The following KCTD20 variants were observed in gnomAD, a reference collection of about 807,000 sequenced individuals.
KCTD20 encodes the protein potassium channel tetramerization domain containing 20, also known as BTB/POZ domain-containing protein KCTD20.
KCTD20 carries 30 observed loss-of-function variants against 39.6 expected under a neutral mutation model. The observed-to-expected ratio is 0.76, with a 90% CI of 0.57 to 1.03. The LOEUF (loss-of-function observed/expected upper bound fraction) is 1.03, where lower values mean the gene tolerates loss of function less well. KCTD20 is among the 50% of genes least tolerant of loss of function. The probability of loss-of-function intolerance (pLI) is 0.00; values close to 1 mark genes in which losing one functional copy is unlikely to be tolerated. For missense variants in KCTD20, 422 were observed against 522.0 expected (o/e 0.81, Z 1.87); for synonymous variants, 162 against 180.6 (o/e 0.90, Z 0.83).
chr6:36,465,558 C>T (rs924984822), intron 1 of KCTD20: 9 of 151,644 alleles, frequency 5.9e-5, no homozygotes, highest in Admixed American at 4.6e-4. Flanking sequence ...GATTCATACT[C>T]AAGATGATTG....
At chr6:36,467,499 G>A (rs936101078) in intron 1 of KCTD20, among the ~76,000 whole-genome samples, 37 of 149,802 alleles carry the variant, frequency 2.5e-4, no homozygotes, top group Admixed American at 6.6e-4. Flanking sequence ...CACCACGCCC[G>A]GGTAATTTTT....
intron 1 of KCTD20, among the ~76,000 whole-genome samples, chr6:36,446,987 TAA>T (rs1413692034): frequency 6.6e-6 from 1 of 152,212 alleles, no homozygotes; most frequent in Non-Finnish European, 1.5e-5. Context: ...CACAAGAGAT[TAA>T]GTTTGCCTCA....
rs917466996 is a variant in KCTD20 at position 36,481,909 on chromosome 6, G to C, written c.856+150G>C. On this transcript the variant is annotated intron_variant, in intron 6 of 7. Transcript: ENST00000373731. ...ACAAATCCCTAGTGACGCAGGTCTAGCCTTTATGCTGGGGAACACAGTGAA... is the reference window on the plus strand; with the variant it reads ...ACAAATCCCTAGTGACGCAGGTCTACCCTTTATGCTGGGGAACACAGTGAA... The C allele has an allele frequency of 1.0e-5, 7 of 679,690 alleles. No homozygotes were observed. In the African/African-American group the frequency reaches 1.2e-4, roughly 12 times the overall value. 42.1% of individuals were successfully genotyped at this position (679,690 alleles called of 1,614,324 possible).
chr6:36,466,076 CTTT>C (rs1169041535), intron 1 of KCTD20, among the ~76,000 whole-genome samples: 1 of 141,528 alleles, frequency 7.1e-6, no homozygotes. Flanking sequence ...TGTTTCTTTT[CTTT>C]TTTTTTTTTT....
chr6:36,449,483 G>A (rs529138589), intron 1 of KCTD20, among the ~76,000 whole-genome samples: 1 of 152,132 alleles, frequency 6.6e-6, no homozygotes, highest in Non-Finnish European at 1.5e-5. Context: ...GCTGATTGGT[G>A]TGTTTTTACA....
rs756352902 is a variant in KCTD20, at chr6:36,484,824, G to T, written c.967G>T (p.Gly323Cys). ...AAAAAACATTCGCATTGGAATTGAA[G>T]GTAAAAAAAAAAAAAAAATCCCAGT... ...GLKNIRIGIE[G>C]YPTCKEKIKR... The change falls in exon 7 of 8, where the codon GGT becomes TGT. Residue 323 changes from glycine (G) to cysteine (C), a missense_variant and splice_region_variant. Coordinates refer to ENST00000373731, the MANE Select transcript of KCTD20 (RefSeq NM_173562.5). The T allele has an allele frequency of 1.4e-6, 2 of 1,475,038 alleles. No individual in the cohort carries two copies. Among genetic ancestry groups the T allele is most frequent in the Admixed American group, 2.0e-5 (1 of 50,852 alleles). 91.4% of individuals were successfully genotyped at this position (1,475,038 alleles called of 1,614,324 possible). A position where few individuals can be genotyped will look rare whatever the true frequency, so the allele number is the denominator to read the frequency against.
chr6:36,466,606 TC>T (rs1337996793), intron 1 of KCTD20, among the ~76,000 whole-genome samples: 1 of 152,030 alleles, frequency 6.6e-6, no homozygotes, highest in Non-Finnish European at 1.5e-5. Context: ...GGTCTTGAAC[TC>T]TCAGGCTCAA....
chr6:36,448,566 G>C (rs1775130584), intron 1 of KCTD20, among the ~76,000 whole-genome samples: 1 of 152,216 alleles, frequency 6.6e-6, no homozygotes, highest in African/African-American at 2.4e-5. Context: ...AAGGACCACT[G>C]TCTGGGTGGT....
chr6:36,449,999 C>T (rs1371215464), intron 1 of KCTD20, among the ~76,000 whole-genome samples: 1 of 151,708 alleles, frequency 6.6e-6, no homozygotes, highest in East Asian at 1.9e-4. Flanking sequence ...TCCGTCTGTA[C>T]TAAAAATATA....
intron 1 of KCTD20, among the ~76,000 whole-genome samples, chr6:36,466,986 G>A (rs532279632): frequency 2.0e-5 from 3 of 152,094 alleles, no homozygotes; most frequent in East Asian, 1.9e-4. Flanking sequence ...TGCTGGGTTC[G>A]GTGATATCTG....
intron 3 of KCTD20, among the ~76,000 whole-genome samples, chr6:36,476,053 T>C (rs1776052694): frequency 6.6e-6 from 1 of 152,186 alleles, no homozygotes; most frequent in Non-Finnish European, 1.5e-5. Flanking sequence ...CCCCAGAGTT[T>C]TAGGGTTAGA....
In KCTD20 at chr6:36,468,028, T is replaced by C. The variant is rs556302263; in HGVS notation, c.-46-2024T>C. ...ATTCATCCAAGCAAGTAATGATAGT[T>C]ACTTGGAGAAATGACTGGGATTAGG... is the stretch of plus-strand genomic sequence containing the variant. On this transcript the variant is annotated intron_variant, in intron 1 of 7. Transcript: ENST00000373731. 4.3e-4 allele frequency among the ~76,000 whole-genome samples: 66 copies of C among 152,332 alleles called. No individual in the cohort carries two copies. The Middle Eastern group carries it at 0.021, about 47-fold the overall frequency.
chr6:36,449,992 G>A (rs571059347), intron 1 of KCTD20, among the ~76,000 whole-genome samples: 3 of 151,878 alleles, frequency 2.0e-5, no homozygotes, highest in East Asian at 1.9e-4. Flanking sequence ...GTGAAACTCC[G>A]TCTGTACTAA....
At chr6:36,473,741 C>G (rs1775980757) in intron 2 of KCTD20, among the ~76,000 whole-genome samples, 1 of 151,754 alleles carries the variant, frequency 6.6e-6, no homozygotes, top group Non-Finnish European at 1.5e-5. Flanking sequence ...CCACTGCACT[C>G]CAGCCTGGGC....
chr6:36,478,591 A>C (rs1312293248), intron 3 of KCTD20, among the ~76,000 whole-genome samples: 1 of 152,216 alleles, frequency 6.6e-6, no homozygotes, highest in Non-Finnish European at 1.5e-5. Flanking sequence ...ATACCAAGAA[A>C]GCATTAACAT....
intron 1 of KCTD20, among the ~76,000 whole-genome samples, chr6:36,468,446 G>C (rs1775823537): frequency 2.0e-5 from 3 of 152,220 alleles, no homozygotes; most frequent in African/African-American, 7.2e-5. Flanking sequence ...GTGCAACAAA[G>C]AGAAGTTTGA....
At chr6:36,477,105 G>T (rs1776085811) in intron 3 of KCTD20, among the ~76,000 whole-genome samples, 2 of 152,266 alleles carry the variant, frequency 1.3e-5, no homozygotes, top group South Asian at 4.1e-4. Flanking sequence ...CGTAAATTCT[G>T]TAAGTTATTT....
At chr6:36,449,617 T>C (rs1775176161) in intron 1 of KCTD20, among the ~76,000 whole-genome samples, 1 of 152,182 alleles carries the variant, frequency 6.6e-6, no homozygotes, top group Non-Finnish European at 1.5e-5. Flanking sequence ...GGCAGAAAAG[T>C]TCTCCAAGTC....
chr6:36,479,286 A>G, intron 4 of KCTD20, 63 bp downstream of exon 4: 1 of 1,161,504 alleles, frequency 8.6e-7, no homozygotes, highest in Non-Finnish European at 1.3e-6. Flanking sequence ...AATAGCCTTG[A>G]GAGTTCCATC....
Sources: gnomAD v4.1 joint callset for allele counts (sites outside exome capture counted in the v4.1 genomes callset) on GRCh38, gnomAD v4.1.1 for gene constraint, MANE v1.5 for transcripts, NCBI Gene and HGNC (gene_info 2026-07-23, HGNC 2026-07-21) for gene names.